ABCG5: variants seen among roughly 807,000 people sequenced by gnomAD.
ABCG5 encodes the protein ATP binding cassette subfamily G member 5, also known as ATP-binding cassette sub-family G member 5.
A neutral mutation model predicts 64.5 loss-of-function variants in ABCG5; 64 were observed. That is an observed-to-expected ratio of 0.99 (90% CI 0.81 to 1.22). The LOEUF (loss-of-function observed/expected upper bound fraction) is 1.22. Ranked by LOEUF, ABCG5 falls within the 50% of genes most tolerant of loss-of-function variation. ABCG5 has a pLI of 0.00. For synonymous variants in ABCG5, 385 were observed against 326.3 expected (o/e 1.18, Z -1.94); for missense variants, 908 against 829.5 (o/e 1.09, Z -1.16).
At chr2:43,828,472 CAAAAAA>C (rs754944007) in intron 4 of ABCG5, 136 of 189,648 alleles carry the variant, frequency 7.2e-4, no homozygotes, top group Middle Eastern at 2.4e-3. Context: ...CCTGTCTCTA[CAAAAAA>C]AAAAAAAAAA....
At chr2:43,809,230 A>G (rs1172066183), downstream of ABCG5, among the ~76,000 whole-genome samples, 4 of 152,066 alleles carry the variant, frequency 2.6e-5, no homozygotes, top group Non-Finnish European at 5.9e-5. Flanking sequence ...GGGCTCAAGC[A>G]ATTCTCCTGC....
chr2:43,809,674 T>C, downstream of ABCG5: 1 of 1,550,384 alleles, frequency 6.5e-7, no homozygotes, highest in Non-Finnish European at 8.8e-7. Context: ...AAAGTTGATT[T>C]TTCTTAAAGT....
chr2:43,823,201 C>T (rs984167138), intron 9 of ABCG5, among the ~76,000 whole-genome samples: 8 of 152,116 alleles, frequency 5.3e-5, no homozygotes, highest in South Asian at 4.1e-4. Context: ...CACCAATTCA[C>T]GAAAAGTACA....
chr2:43,814,064 C>T (rs1301011097), intron 12 of ABCG5, among the ~76,000 whole-genome samples: 1 of 152,108 alleles, frequency 6.6e-6, no homozygotes, highest in African/African-American at 2.4e-5. Flanking sequence ...GTTCTACTTC[C>T]ATCTGGTGGG....
intron 7 of ABCG5, 83 bp from the exon 8 acceptor site, chr2:43,824,515 T>C (rs1030996136): frequency 6.3e-6 from 10 of 1,597,674 alleles, no homozygotes; most frequent in Admixed American, 1.7e-5. Flanking sequence ...ACAGGAGTAC[T>C]GGCCATAATA....
intron 9 of ABCG5, 72 bp from the exon 10 acceptor site, chr2:43,823,007 G>T: frequency 6.3e-7 from 1 of 1,586,056 alleles, no homozygotes; most frequent in Non-Finnish European, 8.6e-7. Context: ...AGCCCAAGCT[G>T]AATGTGAGGT....
At position 43,813,110 on chromosome 2, in the gene ABCG5, C is replaced by G. The variant is rs1666566177; in HGVS notation, c.*6G>C. On this transcript the variant is annotated 3_prime_UTR_variant, in exon 13 of 13. Coordinates refer to ENST00000405322, the MANE Select transcript of ABCG5 (RefSeq NM_022436.3). ...TTCACTTCCATTTTCCCAGCCATGG[C>G]TTTCACTACCTGCTAATGAGATGAT... 1 of 1,111,116 alleles carries G rather than the reference C, an allele frequency of 9.0e-7. No homozygotes were observed. Among genetic ancestry groups the G allele is most frequent in the Non-Finnish European group, 1.4e-6 (1 of 720,840 alleles). The allele number at this position is 1,111,116 out of a possible 1,614,324, so 68.8% of individuals were successfully genotyped here.
chr2:43,837,756 T>A, intron 2 of ABCG5, 78 bp downstream of exon 2: 1 of 1,596,408 alleles, frequency 6.3e-7, no homozygotes, highest in Non-Finnish European at 8.6e-7. Flanking sequence ...GGCTTTCTTG[T>A]TACAACTTAA....
chr2:43,815,624 G>A (rs1382682441), intron 11 of ABCG5, among the ~76,000 whole-genome samples: 3 of 152,182 alleles, frequency 2.0e-5, no homozygotes, highest in Non-Finnish European at 4.4e-5. Context: ...GGAATTAGGG[G>A]AAGAGGATGG....
chr2:43,836,324 T>C (rs569901172), intron 2 of ABCG5, among the ~76,000 whole-genome samples: 1 of 152,268 alleles, frequency 6.6e-6, no homozygotes, highest in South Asian at 2.1e-4. Flanking sequence ...TTCAATTCCC[T>C]GAGTCTAAGG....
Position 43,831,975 on chromosome 2 carries a change from A to C in ABCG5, c.374T>G (p.Phe125Cys). 2 of 1,551,940 alleles carry C rather than the reference A, an allele frequency of 1.3e-6. No individual in the cohort carries two copies. Among genetic ancestry groups the C allele is most frequent in the Non-Finnish European group, 8.7e-7 (1 of 1,147,706 alleles). ...VNGRALRREQFQDCFSYVLQS... is the reference protein window; with the variant it reads ...VNGRALRREQCQDCFSYVLQS... ...CAGGACGTAGGAGAAGCAGTCCTGG[A>C]ACTGCTCCCGGCGCAGCGCCCGGCC... is the stretch of plus-strand genomic sequence containing the variant. Residue 125 changes from phenylalanine (F) to cysteine (C), a missense_variant, in exon 3 of 13, where the codon TTC becomes TGC. Transcript: ENST00000405322.
In ABCG5 at chr2:43,817,658, C is replaced by T. The variant is rs150075252; in HGVS notation, c.1649+2257G>A. On this transcript the variant is annotated intron_variant, in intron 11 of 12. Coordinates refer to ENST00000405322, the MANE Select transcript of ABCG5 (RefSeq NM_022436.3). ...GACGCGGTGGCTCACGTCTATAATC[C>T]CAGCACTTTGGGAGGCCAAGGCAGG... 1.4e-3 allele frequency among the ~76,000 whole-genome samples: 212 copies of T among 152,100 alleles called. 2 individuals carry two copies. The highest frequency in any genetic ancestry group is 1.3e-3 in the Non-Finnish European group (87 of 68,004).
At position 43,831,952 on chromosome 2, in the gene ABCG5, G is replaced by C; in HGVS notation, c.397C>G (p.Leu133Val). 6.5e-7 allele frequency: 1 copy of C among 1,549,914 alleles called. No individual in the cohort carries two copies. Among genetic ancestry groups the C allele is most frequent in the African/African-American group, 1.4e-5 (1 of 73,206 alleles). The change falls in exon 3 of 13, where the codon CTG becomes GTG. Residue 133 changes from leucine to valine, a missense_variant. Transcript: ENST00000405322. ...GGTGTGGGGGACGCGCCCACCTGCA[G>C]GACGTAGGAGAAGCAGTCCTGGAAC... The part of the protein sequence containing the change: ...EQFQDCFSYV[L>V]QSDTLLSSLT...
chr2:43,828,113 C>T lies in ABCG5; in HGVS notation c.504G>A (p.Val168=), dbSNP rs1572779925. The change falls in exon 5 of 13, where the codon GTG becomes GTA. Residue 168 remains valine (V), a splice_region_variant and synonymous_variant. Coordinates refer to ENST00000405322, the MANE Select transcript of ABCG5 (RefSeq NM_022436.3). ...RGNPGSFQKK[V]EAVMAELSLS... The stretch of plus-strand genomic sequence containing the variant: ...GACTCAGCTCTGCCATGACGGCCTC[C>T]ACCTGCAGGAGACACAAATTACAGG... The T allele has an allele frequency of 1.2e-6, 2 of 1,614,006 alleles. No homozygotes were observed. The highest frequency in any genetic ancestry group is 2.2e-5 in the East Asian group (1 of 44,862).
rs144063868 is a variant in ABCG5, at chr2:43,813,286, T to C, written c.1786A>G (p.Thr596Ala). ...TCGSSNVSVT[T>A]NPMCAFTQGI... is the part of the protein sequence containing the mutation. ...TGAGTGAAGGCACACATTGGATTAG[T>C]TGTCACAGAAACATTTGAGCTGCCT... The change falls in exon 13 of 13, where the codon ACT (threonine) becomes GCT (alanine). Residue 596 changes from threonine (T) to alanine (A), a missense_variant. Physicochemically the swap from Thr to Ala is moderately conservative, Grantham distance 58. Transcript: ENST00000405322. 24 of 1,613,576 alleles carry C rather than the reference T, an allele frequency of 1.5e-5. No individual in the cohort carries two copies. The Admixed American group carries it at 2.0e-4, about 13-fold the overall frequency.
intron 2 of ABCG5, among the ~76,000 whole-genome samples, chr2:43,836,463 C>A (rs1668273330): frequency 6.6e-6 from 1 of 152,208 alleles, no homozygotes; most frequent in African/African-American, 2.4e-5. Flanking sequence ...CAAGAGGCTT[C>A]TGTGGAGCCA....
upstream of ABCG5, chr2:43,838,952 G>A (rs1395860360): frequency 1.6e-5 from 22 of 1,343,290 alleles, no homozygotes; most frequent in African/African-American, 2.9e-5. The surrounding 1 kb of genome is among the most constrained non-coding windows in gnomAD (Gnocchi z 4.2). Context: ...GCAGGAGGCC[G>A]AGGTGTCCCT....
chr2:43,824,754 T>A, intron 7 of ABCG5, 135 bp downstream of exon 7: 1 of 1,464,428 alleles, frequency 6.8e-7, no homozygotes, highest in Non-Finnish European at 9.2e-7. Context: ...CCGGCCAAAT[T>A]GATTCCTTGA....
At chr2:43,835,058 G>A (rs1186955316) in intron 2 of ABCG5, among the ~76,000 whole-genome samples, 1 of 152,156 alleles carries the variant, frequency 6.6e-6, no homozygotes, top group Non-Finnish European at 1.5e-5. Flanking sequence ...AGGTGATAAG[G>A]ATACAGTAGA....
Sources: allele counts gnomAD v4.1 joint callset (sites outside exome capture counted in the v4.1 genomes callset), GRCh38; gene constraint gnomAD v4.1.1; non-coding constraint Gnocchi (gnomAD v3.1); transcripts MANE v1.5; gene names NCBI Gene and HGNC (gene_info 2026-07-23, HGNC 2026-07-21).